Variants in ANKAR observed in about 807,000 individuals in gnomAD.
ANKAR encodes ankyrin and armadillo repeat-containing protein.
Under a neutral mutation model 146.2 loss-of-function variants are expected in ANKAR, and 136 were observed. That is an observed-to-expected ratio of 0.93 (90% CI 0.81 to 1.07). The LOEUF (loss-of-function observed/expected upper bound fraction) is 1.07, where lower values mean the gene tolerates loss of function less well. Among genes scored for constraint, ANKAR ranks in the 50% least tolerant of loss-of-function variants. ANKAR has a pLI of 0.00. For synonymous variants in ANKAR, 500 were observed against 575.8 expected, an observed-to-expected ratio of 0.87 and a Z score of 1.88; for missense variants, 1,567 against 1,679.9, an observed-to-expected ratio of 0.93 and a Z score of 1.18.
intron 17 of ANKAR, among the ~76,000 whole-genome samples, chr2:189,734,818 G>A (rs1211297755): frequency 6.6e-6 from 1 of 151,874 alleles, no homozygotes; most frequent in African/African-American, 2.4e-5. Flanking sequence ...ATAAAAATTG[G>A]CCGGGCGTGG....
chr2:189,715,070 G>A (rs12693556), intron 10 of ANKAR, among the ~76,000 whole-genome samples: 149,236 of 152,072 alleles, frequency 0.98, 73,285 homozygotes, highest in South Asian at 1. Flanking sequence ...GCTAACAGAA[G>A]GTGAGAAATA....
intron 19 of ANKAR, among the ~76,000 whole-genome samples, chr2:189,739,629 T>C (rs929670006): frequency 6.6e-6 from 1 of 151,592 alleles, no homozygotes; most frequent in African/African-American, 2.4e-5. Flanking sequence ...AGTGGTGCGA[T>C]CTTAGCTCAC....
intron 18 of ANKAR, among the ~76,000 whole-genome samples, chr2:189,759,165 G>C (rs1278903907): frequency 1.3e-5 from 2 of 151,920 alleles, no homozygotes; most frequent in African/African-American, 4.8e-5. Context: ...CTTTCACATA[G>C]TTATTGTTTG....
At chr2:189,693,317 A>C (rs1419321317) in intron 5 of ANKAR, 140 bp downstream of exon 5, 2 of 599,720 alleles carry the variant, frequency 3.3e-6, no homozygotes, top group Non-Finnish European at 5.9e-6. Flanking sequence ...TGAATGACTT[A>C]TGGACTCAAC....
intron 19 of ANKAR, among the ~76,000 whole-genome samples, chr2:189,739,066 TG>T (rs1256574343): frequency 1.3e-5 from 2 of 152,264 alleles, no homozygotes; most frequent in African/African-American, 4.8e-5. Context: ...TTTGTCCAGT[TG>T]TGCACATTTT....
In ANKAR at chr2:189,755,428, T is replaced by G. The variant is rs752822390; in HGVS notation, c.*585-5670T>G. ...CCACTCCCAGGCTTAAAGCAAGTCC[T>G]GGTTTTATGGTAGTTGCAATTGCTG... is the stretch of plus-strand genomic sequence containing the variant. On this transcript the variant is annotated intron_variant and NMD_transcript_variant, in intron 18 of 18. Transcript: ENST00000441800. 2.5e-6 allele frequency: 4 copies of G among 1,608,830 alleles called. No individual in the cohort carries two copies. The Admixed American group carries it at 6.9e-5, about 28-fold the overall frequency.
chr2:189,719,569 C>T lies in ANKAR; in HGVS notation c.2225-3C>T, dbSNP rs1266090291. On this transcript the variant is annotated splice_polypyrimidine_tract_variant and splice_region_variant and intron_variant, in intron 10 of 22. Transcript: ENST00000684021. ...TTTAATTTTTTTGCTCTTGTCATTACAGGCACCATTCCTGCCTTAATCAAT... is the reference window on the plus strand; with the variant it reads ...TTTAATTTTTTTGCTCTTGTCATTATAGGCACCATTCCTGCCTTAATCAAT... 10 of 1,590,758 alleles carry T rather than the reference C, an allele frequency of 6.3e-6. No homozygotes were observed. Among genetic ancestry groups the T allele is most frequent in the Non-Finnish European group, 8.6e-6 (10 of 1,162,938 alleles).
chr2:189,719,541 C>G, intron 10 of ANKAR, 31 bp from the exon 11 acceptor site: 2 of 1,546,048 alleles, frequency 1.3e-6, no homozygotes, highest in Non-Finnish European at 1.8e-6. Context: ...ATAATTCATG[C>G]TTTTTAATTT....
chr2:189,697,862 G>A (rs947897432), intron 7 of ANKAR, among the ~76,000 whole-genome samples: 2 of 145,520 alleles, frequency 1.4e-5, no homozygotes, highest in Admixed American at 1.4e-4. Context: ...CAGCCATTTG[G>A]GGGGCAGAGT....
intron 18 of ANKAR, chr2:189,754,296 C>A: frequency 6.2e-7 from 1 of 1,613,764 alleles, no homozygotes; most frequent in Non-Finnish European, 8.5e-7. Context: ...TTTCCCACCA[C>A]TCATGGTGGA....
intron 9 of ANKAR, among the ~76,000 whole-genome samples, chr2:189,709,495 A>G (rs1326529014): frequency 1.3e-5 from 2 of 152,232 alleles, no homozygotes; most frequent in Admixed American, 6.5e-5. Context: ...ATTTAATAAC[A>G]TTTAACTCTG....
At chr2:189,694,740 C>T (rs2105557726) in intron 5 of ANKAR, among the ~76,000 whole-genome samples, 1 of 152,144 alleles carries the variant, frequency 6.6e-6, no homozygotes, top group South Asian at 2.1e-4. Flanking sequence ...TAGACATTGC[C>T]CCAGATCACT....
At chr2:189,753,090 T>C in intron 18 of ANKAR, 1 of 1,014,936 alleles carries the variant, frequency 9.9e-7, no homozygotes, top group Non-Finnish European at 1.4e-6. Flanking sequence ...TATCCCATTT[T>C]GAGATGGGTA....
chr2:189,710,616 A>G (rs1029902908), intron 9 of ANKAR, among the ~76,000 whole-genome samples: 1 of 152,164 alleles, frequency 6.6e-6, no homozygotes, highest in Admixed American at 6.5e-5. Flanking sequence ...CCTGGGCCAC[A>G]TGGCAAAATG....
intron 2 of ANKAR, among the ~76,000 whole-genome samples, chr2:189,685,681 C>T (rs1256173298): frequency 6.6e-6 from 1 of 152,138 alleles, no homozygotes; most frequent in Non-Finnish European, 1.5e-5. Context: ...CACTGGGAAG[C>T]CTGTCCCCCA....
At position 189,676,402 on chromosome 2, in the gene ANKAR, T is replaced by C. The variant is rs1431733004; in HGVS notation, c.-35-54T>C. ...CAGATTTATTTCTAGACAAATCCAG[T>C]TTCATTGGCATGTCAGATTTTATTG... On this transcript the variant is annotated intron_variant, in intron 1 of 22. Coordinates refer to ENST00000684021, the MANE Select transcript of ANKAR (RefSeq NM_001378068.1). The C allele has an allele frequency of 5.8e-6, 8 of 1,390,772 alleles. No homozygotes were observed. In the East Asian group the frequency reaches 2.0e-4, roughly 35 times the overall value. The allele number at this position is 1,390,772 out of a possible 1,614,324, so 86.2% of individuals were successfully genotyped here.
intron 10 of ANKAR, among the ~76,000 whole-genome samples, chr2:189,712,116 T>A (rs1329811236): frequency 2.0e-5 from 3 of 151,894 alleles, no homozygotes; most frequent in African/African-American, 7.3e-5. Flanking sequence ...CAGAGCCCAC[T>A]GCAGCTCACC....
intron 16 of ANKAR, among the ~76,000 whole-genome samples, chr2:189,731,938 G>C (rs1007136479): frequency 6.6e-6 from 1 of 152,108 alleles, no homozygotes; most frequent in Non-Finnish European, 1.5e-5. Flanking sequence ...CTGGGCTCAA[G>C]AGATCCTCCA....
At chr2:189,753,618 C>T (rs531538379) in intron 18 of ANKAR, among the ~76,000 whole-genome samples, 2 of 152,228 alleles carry the variant, frequency 1.3e-5, no homozygotes, top group South Asian at 4.1e-4. Flanking sequence ...ACCTATTTTT[C>T]TAAAAATAGT....
Sources: gnomAD v4.1 joint callset for allele counts (sites outside exome capture counted in the v4.1 genomes callset) on GRCh38, gnomAD v4.1.1 for gene constraint, MANE v1.5 for transcripts, NCBI Gene and HGNC (gene_info 2026-07-23, HGNC 2026-07-21) for gene names.